Variants in UNC5D observed in about 807,000 individuals in gnomAD.
UNC5D encodes unc-5 netrin receptor D.
A neutral mutation model predicts 105.4 loss-of-function variants in UNC5D; 39 were observed. The observed-to-expected ratio is 0.37, with a 90% confidence interval of 0.29 to 0.48. The LOEUF (loss-of-function observed/expected upper bound fraction) is 0.48. UNC5D is among the 20% of genes least tolerant of loss of function. UNC5D has a pLI of 0.98. For synonymous variants in UNC5D, 452 were observed against 450.4 expected (o/e 1.00, Z -0.04); for missense variants, 991 against 1,202.4 (o/e 0.82, Z 2.60).
rs376298868 is a variant in UNC5D at position 35,395,388 on chromosome 8, T to C, written c.104-153904T>C. On this transcript the variant is annotated intron_variant, in intron 1 of 16. Coordinates refer to ENST00000404895, the MANE Select transcript of UNC5D (RefSeq NM_080872.4). ...CCAAAAAAGCTACCTGCAAATCTGA[T>C]AGGGTTAAAGAGAACACCATTTGAG... 4.8e-4 allele frequency among the ~76,000 whole-genome samples: 73 copies of C among 152,252 alleles called. 1 individual carries two copies. The highest frequency in any genetic ancestry group is 1.6e-3 in the African/African-American group (68 of 41,562).
chr8:35,649,438 T>C (rs1377107195), intron 4 of UNC5D, among the ~76,000 whole-genome samples: 2 of 152,210 alleles, frequency 1.3e-5, no homozygotes, highest in Non-Finnish European at 2.9e-5. Context: ...AGTATGTTCA[T>C]ACTGAAGACC....
At chr8:35,760,259 T>C (rs539591401) in intron 14 of UNC5D, among the ~76,000 whole-genome samples, 3 of 152,146 alleles carry the variant, frequency 2.0e-5, no homozygotes, top group African/African-American at 7.2e-5. Flanking sequence ...GCCAGACTGG[T>C]CTTGAACTCC....
intron 1 of UNC5D, among the ~76,000 whole-genome samples, chr8:35,352,263 T>C (rs1178637238): frequency 6.6e-6 from 1 of 152,038 alleles, no homozygotes; most frequent in Non-Finnish European, 1.5e-5. Context: ...AAGTTACATA[T>C]ACATGTTCAC....
At chr8:35,574,124 G>A (rs1817936616) in intron 3 of UNC5D, among the ~76,000 whole-genome samples, 1 of 152,194 alleles carries the variant, frequency 6.6e-6, no homozygotes, top group African/African-American at 2.4e-5. Context: ...ATTTTCATGT[G>A]TGAACATTTG....
chr8:35,386,534 A>T (rs2128936734), intron 1 of UNC5D, among the ~76,000 whole-genome samples: 1 of 152,348 alleles, frequency 6.6e-6, no homozygotes, highest in African/African-American at 2.4e-5. Flanking sequence ...AGGGAAAAAA[A>T]ACGTCTAGCT....
chr8:35,271,996 C>G (rs183603925), intron 1 of UNC5D, among the ~76,000 whole-genome samples: 1 of 151,988 alleles, frequency 6.6e-6, no homozygotes, highest in African/African-American at 2.4e-5. Context: ...TTTAGCTGCA[C>G]GTGCTGTAGA....
At position 35,793,690 on chromosome 8, in the gene UNC5D, A is replaced by G. The variant is rs1453781903; in HGVS notation, c.*3127A>G. The G allele has an allele frequency of 2.0e-5, 3 of 152,726 alleles. No individual in the cohort carries two copies. The highest frequency in any genetic ancestry group is 2.0e-4 in the Admixed American group (3 of 15,282). 9.5% of individuals were successfully genotyped at this position (152,726 alleles called of 1,614,324 possible). On this transcript the variant is annotated 3_prime_UTR_variant, in exon 17 of 17. Transcript: ENST00000404895. Reference sequence around the variant, plus strand: ...ATTGCTTCTACATTCTTACTGGTTTACATTAAAATCCTTTAAGCCAAAAGG... The same window carrying G: ...ATTGCTTCTACATTCTTACTGGTTTGCATTAAAATCCTTTAAGCCAAAAGG...
chr8:35,779,069 G>A (rs145157465), intron 16 of UNC5D, among the ~76,000 whole-genome samples: 1 of 152,172 alleles, frequency 6.6e-6, no homozygotes, highest in Non-Finnish European at 1.5e-5. Context: ...AGCAAACTTT[G>A]ACTATTACTC....
intron 1 of UNC5D, among the ~76,000 whole-genome samples, chr8:35,376,831 A>G (rs1802724431): frequency 6.6e-6 from 1 of 152,178 alleles, no homozygotes; most frequent in African/African-American, 2.4e-5. Context: ...CATAGTGTTC[A>G]TCCGCCAGGA....
intron 1 of UNC5D, among the ~76,000 whole-genome samples, chr8:35,462,913 G>T (rs888172852): frequency 6.6e-6 from 1 of 152,214 alleles, no homozygotes; most frequent in Non-Finnish European, 1.5e-5. Context: ...CCTTACAAAG[G>T]TATAACCATC....
chr8:35,408,898 G>A (rs1374747991), intron 1 of UNC5D, among the ~76,000 whole-genome samples: 4 of 151,948 alleles, frequency 2.6e-5, no homozygotes, highest in Non-Finnish European at 4.4e-5. Flanking sequence ...TCAAGATACA[G>A]AGTAATTATT....
intron 1 of UNC5D, among the ~76,000 whole-genome samples, chr8:35,276,903 A>G (rs773151794): frequency 2.0e-5 from 3 of 152,292 alleles, no homozygotes; most frequent in Admixed American, 6.5e-5. Context: ...TTAGCAGGAG[A>G]CAAAATAAGG....
chr8:35,499,382 G>A (rs548172276), intron 1 of UNC5D, among the ~76,000 whole-genome samples: 2 of 152,068 alleles, frequency 1.3e-5, no homozygotes, highest in Non-Finnish European at 2.9e-5. Flanking sequence ...CTCCCTCTTG[G>A]TTGTTTATTT....
intron 1 of UNC5D, among the ~76,000 whole-genome samples, chr8:35,447,473 G>A (rs1224967775): frequency 2.0e-5 from 3 of 152,078 alleles, no homozygotes; most frequent in East Asian, 1.9e-4. Context: ...GTTGAAACTA[G>A]GTTTCAGTCC....
intron 1 of UNC5D, among the ~76,000 whole-genome samples, chr8:35,312,922 C>T (rs547411275): frequency 6.6e-6 from 1 of 152,292 alleles, no homozygotes; most frequent in South Asian, 2.1e-4. Flanking sequence ...TCCTCCACTA[C>T]CAGCGGAGAA....
chr8:35,671,174 T>TGTC (rs1824775413), intron 4 of UNC5D, among the ~76,000 whole-genome samples: 2 of 152,158 alleles, frequency 1.3e-5, no homozygotes, highest in Non-Finnish European at 2.9e-5. Flanking sequence ...CGTTTTTGTC[T>TGTC]GTCTTATTAA....
chr8:35,683,266 T>C (rs1411673685), intron 4 of UNC5D, among the ~76,000 whole-genome samples: 1 of 152,196 alleles, frequency 6.6e-6, no homozygotes, highest in Non-Finnish European at 1.5e-5. Flanking sequence ...CAGTCACCTC[T>C]TTTCTCTCCT....
chr8:35,544,422 A>AT (rs1255795154), intron 1 of UNC5D: 1 of 1,606,670 alleles, frequency 6.2e-7, no homozygotes, highest in Non-Finnish European at 8.5e-7. Context: ...TAAAAAAAAA[A>AT]GCTGTAATAT....
At chr8:35,490,678 G>T (rs538471112) in intron 1 of UNC5D, among the ~76,000 whole-genome samples, 1 of 152,156 alleles carries the variant, frequency 6.6e-6, no homozygotes, top group African/African-American at 2.4e-5. Context: ...GGTCTGTCAG[G>T]TACAGTAGAC....
Sources: allele counts gnomAD v4.1 joint callset (sites outside exome capture counted in the v4.1 genomes callset), GRCh38; gene constraint gnomAD v4.1.1; transcripts MANE v1.5; gene names NCBI Gene and HGNC (gene_info 2026-07-23, HGNC 2026-07-21).